AOPEP: variants seen among roughly 807,000 people sequenced by gnomAD.
The protein encoded by AOPEP is aminopeptidase O.
A neutral mutation model predicts 98.1 loss-of-function variants in AOPEP; 77 were observed. That is an observed-to-expected ratio of 0.78 (90% CI 0.65 to 0.95). AOPEP has a LOEUF of 0.95. Among genes scored for constraint, AOPEP ranks in the 40% least tolerant of loss-of-function variants. The pLI is 0.00. For synonymous variants in AOPEP, 346 were observed against 365.3 expected, an observed-to-expected ratio of 0.95 and a Z score of 0.60; for missense variants, 1,024 against 1,024.7, an observed-to-expected ratio of 1.00 and a Z score of 0.01.
intron 9 of AOPEP, among the ~76,000 whole-genome samples, chr9:94,964,136 T>C (rs2059031869): frequency 1.3e-5 from 2 of 152,224 alleles, no homozygotes; most frequent in East Asian, 3.8e-4. Flanking sequence ...CCTGTGGGAA[T>C]GCAGCCCCAT....
chr9:95,144,868 A>G, the AOPEP span, among the ~76,000 whole-genome samples: 1 of 152,206 alleles, frequency 6.6e-6, no homozygotes, highest in African/African-American at 2.4e-5. Flanking sequence ...GCACGTTCAC[A>G]ACGCCCTTTA....
At chr9:95,071,244 C>T (rs942235526) in intron 14 of AOPEP, among the ~76,000 whole-genome samples, 2 of 152,128 alleles carry the variant, frequency 1.3e-5, no homozygotes, top group Non-Finnish European at 1.5e-5. Flanking sequence ...CTCTGAAATG[C>T]TTCAAAATCC....
chr9:95,024,253 C>T (rs1708333514), intron 13 of AOPEP, among the ~76,000 whole-genome samples: 1 of 152,142 alleles, frequency 6.6e-6, no homozygotes, highest in Non-Finnish European at 1.5e-5. Flanking sequence ...TGAGAGAGAA[C>T]GTAGGATAGG....
chr9:94,953,750 C>T (rs996028110), intron 7 of AOPEP, among the ~76,000 whole-genome samples: 6 of 152,240 alleles, frequency 3.9e-5, no homozygotes, highest in South Asian at 4.2e-4. Flanking sequence ...CCAACCCTCT[C>T]GTGGTTCCTT....
chr9:94,862,037 T>G (rs1349692494), intron 5 of AOPEP, among the ~76,000 whole-genome samples: 1 of 152,170 alleles, frequency 6.6e-6, no homozygotes, highest in Non-Finnish European at 1.5e-5. Flanking sequence ...AGTTTGTGAG[T>G]GATTAAATTC....
intron 5 of AOPEP, among the ~76,000 whole-genome samples, chr9:94,886,373 G>A (rs756026885): frequency 1.3e-5 from 2 of 152,058 alleles, no homozygotes; most frequent in South Asian, 2.1e-4. Flanking sequence ...ATATAATTAC[G>A]CCTACAGAAA....
chr9:95,094,492 C>T, the AOPEP span, among the ~76,000 whole-genome samples: 1 of 152,156 alleles, frequency 6.6e-6, no homozygotes, highest in Non-Finnish European at 1.5e-5. Flanking sequence ...CCCACTTCCC[C>T]TCCCCCAGGT....
chr9:95,120,333 C>G, the AOPEP span, among the ~76,000 whole-genome samples: 1 of 152,026 alleles, frequency 6.6e-6, no homozygotes, highest in African/African-American at 2.4e-5. Flanking sequence ...ATGTATGGGT[C>G]TATATCTGGA....
intron 1 of AOPEP, among the ~76,000 whole-genome samples, chr9:94,736,331 A>C (rs74447104): frequency 0.065 from 9,956 of 152,260 alleles, 1,078 homozygotes; most frequent in African/African-American, 0.23. Context: ...TTGATATTGA[A>C]AAAAATCTTT....
intron 5 of AOPEP, among the ~76,000 whole-genome samples, chr9:94,896,116 T>C (rs2049521966): frequency 6.6e-6 from 1 of 152,164 alleles, no homozygotes; most frequent in Non-Finnish European, 1.5e-5. Flanking sequence ...GGAGGATGCA[T>C]AGGAAAACCA....
downstream of AOPEP, among the ~76,000 whole-genome samples, chr9:95,089,999 C>T (rs2070844004): frequency 1.3e-5 from 2 of 152,248 alleles, no homozygotes; most frequent in Admixed American, 6.5e-5. Flanking sequence ...CACCTGCTCA[C>T]AAGGGGCTTT....
intron 5 of AOPEP, among the ~76,000 whole-genome samples, chr9:94,850,011 C>A (rs550461932): frequency 2.6e-4 from 38 of 144,518 alleles, no homozygotes; most frequent in African/African-American, 9.5e-4. Flanking sequence ...CTCCAGCCTG[C>A]GCGACAGAGT....
intron 11 of AOPEP, 60 bp downstream of exon 11, chr9:94,979,487 C>A: frequency 2.0e-6 from 2 of 1,012,714 alleles, no homozygotes; most frequent in Non-Finnish European, 3.1e-6. Context: ...TGCTGCTTAG[C>A]ACATCAATCA....
At chr9:94,997,310 A>C (rs1314108842) in intron 11 of AOPEP, among the ~76,000 whole-genome samples, 2 of 152,192 alleles carry the variant, frequency 1.3e-5, no homozygotes, top group African/African-American at 4.8e-5. Context: ...CCACCAGCCC[A>C]TCCTGCCCAA....
intron 7 of AOPEP, among the ~76,000 whole-genome samples, chr9:94,947,026 G>A (rs1047248540): frequency 4.0e-5 from 6 of 151,254 alleles, no homozygotes; most frequent in Non-Finnish European, 7.4e-5. Flanking sequence ...GCCCAGGCTG[G>A]AGTGCAGTGG....
chr9:95,108,491 T>TG, the AOPEP span, among the ~76,000 whole-genome samples: 2 of 152,226 alleles, frequency 1.3e-5, no homozygotes, highest in Admixed American at 6.5e-5. Flanking sequence ...ATCCCTAAGA[T>TG]GGGGTCTATC....
chr9:94,984,189 C>T (rs568955085), intron 11 of AOPEP, among the ~76,000 whole-genome samples: 6 of 152,030 alleles, frequency 3.9e-5, no homozygotes, highest in African/African-American at 1.2e-4. Flanking sequence ...CCCGCCACCA[C>T]GCCTGGCTAA....
the AOPEP span, among the ~76,000 whole-genome samples, chr9:95,118,584 C>A: frequency 6.6e-6 from 1 of 152,250 alleles, no homozygotes; most frequent in Non-Finnish European, 1.5e-5. Context: ...CCCTCCACCC[C>A]ACCCTGGCAA....
chr9:94,926,233 T>G (rs1035979353), intron 6 of AOPEP, among the ~76,000 whole-genome samples: 2 of 152,204 alleles, frequency 1.3e-5, no homozygotes, highest in African/African-American at 2.4e-5. Flanking sequence ...TGGTCCTGCC[T>G]CTTGACTGAT....
Sources: allele counts gnomAD v4.1 joint callset (sites outside exome capture counted in the v4.1 genomes callset), GRCh38; gene constraint gnomAD v4.1.1; transcripts MANE v1.5; gene names NCBI Gene and HGNC (gene_info 2026-07-23, HGNC 2026-07-21).